USP47: variants seen among roughly 807,000 people sequenced by gnomAD.
USP47 encodes the protein ubiquitin carboxyl-terminal hydrolase 47.
Under a neutral mutation model 165.1 loss-of-function variants are expected in USP47, and 35 were observed. The observed-to-expected ratio is 0.21, with a 90% CI of 0.16 to 0.28. The LOEUF (loss-of-function observed/expected upper bound fraction) is 0.28, where lower values mean the gene tolerates loss of function less well. USP47 is among the 10% of genes least tolerant of loss of function. The pLI is 1.00. For synonymous variants in USP47, 531 were observed against 544.5 expected (o/e 0.98, Z 0.35); for missense variants, 1,277 against 1,607.4 (o/e 0.79, Z 3.52).
At chr11:11,889,762 A>G (rs1286204068) in intron 3 of USP47, among the ~76,000 whole-genome samples, 1 of 152,206 alleles carries the variant, frequency 6.6e-6, no homozygotes, top group Non-Finnish European at 1.5e-5. Context: ...ATCCTAAACA[A>G]AAAGAACGAA....
At chr11:11,945,537 T>C (rs1051882641) in intron 20 of USP47, among the ~76,000 whole-genome samples, 2 of 152,170 alleles carry the variant, frequency 1.3e-5, no homozygotes, top group Non-Finnish European at 2.9e-5. Context: ...GGACTAGTTA[T>C]AGTTCATAGG....
chr11:11,865,828 T>C (rs1038818187), intron 1 of USP47, among the ~76,000 whole-genome samples: 1 of 152,204 alleles, frequency 6.6e-6, no homozygotes, highest in Admixed American at 6.5e-5. Context: ...ACATATTCTT[T>C]GGAGAAATGT....
chr11:11,948,779 T>A (rs1300234670), intron 22 of USP47: 3 of 397,156 alleles, frequency 7.6e-6, no homozygotes, highest in African/African-American at 6.1e-5. Flanking sequence ...GAGATGGCTA[T>A]GTCTCAACAT....
At chr11:11,849,946 C>G (rs1343292855) in intron 1 of USP47, among the ~76,000 whole-genome samples, 1 of 152,146 alleles carries the variant, frequency 6.6e-6, no homozygotes, top group Non-Finnish European at 1.5e-5. Context: ...AGGCATTGCT[C>G]TACTGTCTTC....
At chr11:11,891,339 C>T (rs956673321) in intron 3 of USP47, among the ~76,000 whole-genome samples, 2 of 152,112 alleles carry the variant, frequency 1.3e-5, no homozygotes, top group African/African-American at 4.8e-5. Context: ...CAATGCCTGT[C>T]TGGATACTAG....
intron 1 of USP47, among the ~76,000 whole-genome samples, chr11:11,871,281 G>T (rs1850024876): frequency 6.6e-6 from 1 of 151,500 alleles, no homozygotes; most frequent in African/African-American, 2.4e-5. Flanking sequence ...AGGCGGATAG[G>T]TCATGAGGTC....
intron 20 of USP47, 31 bp from the exon 21 acceptor site, chr11:11,947,911 TTTG>T (rs1448255795): frequency 1.3e-6 from 2 of 1,567,886 alleles, no homozygotes; most frequent in Non-Finnish European, 1.7e-6. Flanking sequence ...CTTTTACATT[TTTG>T]TTCCTGTTTT....
intron 17 of USP47, among the ~76,000 whole-genome samples, chr11:11,937,155 T>C (rs1221244471): frequency 2.0e-5 from 3 of 151,932 alleles, no homozygotes; most frequent in Non-Finnish European, 2.9e-5. Context: ...AGTTTCCCTA[T>C]AGACAGTTAC....
chr11:11,859,468 G>A (rs562206977), intron 1 of USP47, among the ~76,000 whole-genome samples: 1 of 152,200 alleles, frequency 6.6e-6, no homozygotes, highest in South Asian at 2.1e-4. Flanking sequence ...AAGGAGTAAG[G>A]CCGCATAAGG....
intron 8 of USP47, 21 bp from the exon 9 acceptor site, chr11:11,920,135 A>T (rs1853725159): frequency 1.9e-6 from 3 of 1,543,388 alleles, no homozygotes; most frequent in South Asian, 2.6e-5. Context: ...GTAATTATAA[A>T]ACAAATTTTT....
chr11:11,908,527 A>G (rs1698119680), intron 8 of USP47, among the ~76,000 whole-genome samples: 2 of 152,036 alleles, frequency 1.3e-5, no homozygotes. Context: ...CTTGCAAATA[A>G]TAGGTAGGAT....
At chr11:11,873,748 C>A in intron 1 of USP47, 1 of 1,113,098 alleles carries the variant, frequency 9.0e-7, no homozygotes, top group South Asian at 2.2e-5. Context: ...CTGTCTTTTC[C>A]CTTTATTTTA....
intron 1 of USP47, among the ~76,000 whole-genome samples, chr11:11,860,379 A>T (rs896233901): frequency 6.6e-6 from 1 of 152,110 alleles, no homozygotes; most frequent in East Asian, 1.9e-4. Context: ...CTTTGACTTA[A>T]GGAGTCTAAT....
At chr11:11,842,332 T>C in intron 1 of USP47, 108 bp downstream of exon 1, 2 of 1,307,444 alleles carry the variant, frequency 1.5e-6, no homozygotes, top group Non-Finnish European at 2.1e-6. Flanking sequence ...GGCTCGGCTG[T>C]GGGGGAATGA....
At chr11:11,927,779 G>A (rs1199733090) in intron 11 of USP47, among the ~76,000 whole-genome samples, 2 of 152,018 alleles carry the variant, frequency 1.3e-5, no homozygotes, top group Non-Finnish European at 2.9e-5. Context: ...TAAAAGAGAA[G>A]AAAATGTTAG....
At chr11:11,872,353 G>GA (rs1223677217) in intron 1 of USP47, among the ~76,000 whole-genome samples, 2 of 152,170 alleles carry the variant, frequency 1.3e-5, no homozygotes, top group Non-Finnish European at 2.9e-5. Flanking sequence ...ACCCAGCCTT[G>GA]AAAATCATGC....
intron 8 of USP47, among the ~76,000 whole-genome samples, chr11:11,911,932 A>C (rs1176048289): frequency 2.6e-5 from 4 of 152,150 alleles, no homozygotes; most frequent in African/African-American, 9.7e-5. Context: ...ATTAGCAGAC[A>C]GGAATATCAC....
chr11:11,849,042 ATATTGTC>A (rs1355466171), intron 1 of USP47, among the ~76,000 whole-genome samples: 5 of 152,044 alleles, frequency 3.3e-5, no homozygotes, highest in Non-Finnish European at 7.4e-5. Context: ...AGTACTCCCA[ATATTGTC>A]ATACTGCAAG....
intron 8 of USP47, among the ~76,000 whole-genome samples, chr11:11,915,521 C>T (rs1853349720): frequency 6.6e-6 from 1 of 152,164 alleles, no homozygotes; most frequent in African/African-American, 2.4e-5. Flanking sequence ...CTGGGAAAAT[C>T]TGAATTAGAT....
Sources: gnomAD v4.1 joint callset for allele counts (sites outside exome capture counted in the v4.1 genomes callset) on GRCh38, gnomAD v4.1.1 for gene constraint, MANE v1.5 for transcripts, NCBI Gene and HGNC (gene_info 2026-07-23, HGNC 2026-07-21) for gene names.